Variants in CEP63 observed in about 807,000 individuals in gnomAD.
CEP63 encodes the protein centrosomal protein of 63 kDa.
In CEP63, 84 loss-of-function variants were observed where a neutral mutation model predicts 89.1. That is an observed-to-expected ratio of 0.94 (90% confidence interval 0.79 to 1.13). CEP63 has a LOEUF of 1.13. Ranked by LOEUF, CEP63 falls within the 50% of genes most tolerant of loss-of-function variation. The pLI is 0.00. For missense variants in CEP63, 838 were observed against 813.3 expected (o/e 1.03, Z -0.37); for synonymous variants, 267 against 272.5 (o/e 0.98, Z 0.20).
chr3:134,625,114 C>T, the CEP63 span: 18 of 1,600,510 alleles, frequency 1.1e-5, no homozygotes, highest in Non-Finnish European at 1.4e-5. Context: ...GGATTTCAGG[C>T]TAGATCGATC....
chr3:134,629,886 T>A, the CEP63 span, among the ~76,000 whole-genome samples: 1 of 152,208 alleles, frequency 6.6e-6, no homozygotes. Flanking sequence ...TCAGGCAAGA[T>A]GGAGTAAAGC....
the CEP63 span, among the ~76,000 whole-genome samples, chr3:134,740,125 C>A: frequency 6.6e-6 from 1 of 152,142 alleles, no homozygotes; most frequent in African/African-American, 2.4e-5. Flanking sequence ...CCCTGGGGGT[C>A]TTTAACATTC....
In CEP63 at chr3:134,548,747, C is replaced by T. The variant is rs144016212; in HGVS notation, c.1068-315C>T. On this transcript the variant is annotated intron_variant, in intron 9 of 14. Transcript: ENST00000675561. ...CATGTTAAATACACAAACATGCATA[C>T]ACACACATATTTTCTGCTTTATTCC... Among the ~76,000 whole-genome samples, 140 of 152,290 alleles carry T rather than the reference C, an allele frequency of 9.2e-4. 1 individual carries two copies. The highest frequency in any genetic ancestry group is 3.3e-3 in the African/African-American group (138 of 41,568).
At chr3:134,551,591 G>C (rs1954832047) in intron 11 of CEP63, among the ~76,000 whole-genome samples, 2 of 151,888 alleles carry the variant, frequency 1.3e-5, no homozygotes, top group Admixed American at 1.3e-4. Context: ...CAGGAGAATG[G>C]GTAGGGATTT....
At chr3:134,743,869 A>G in the CEP63 span, among the ~76,000 whole-genome samples, 65 of 152,248 alleles carry the variant, frequency 4.3e-4, no homozygotes, top group Admixed American at 7.8e-4. Context: ...TGGTGTCCAA[A>G]TCTTTCTAAG....
chr3:134,774,446 T>G, the CEP63 span, among the ~76,000 whole-genome samples: 2 of 151,764 alleles, frequency 1.3e-5, no homozygotes, highest in Non-Finnish European at 2.9e-5. Flanking sequence ...TCCTGTAAAA[T>G]GAAAGACCCT....
At chr3:134,665,721 AGAGACAGG>A in the CEP63 span, among the ~76,000 whole-genome samples, 27,164 of 147,466 alleles carry the variant, frequency 0.18, 3,034 homozygotes, top group Non-Finnish European at 0.25. Context: ...AGAGAGAGAG[AGAGACAGG>A]GACAGAGCGA....
At chr3:134,649,956 G>A in the CEP63 span, among the ~76,000 whole-genome samples, 1 of 152,204 alleles carries the variant, frequency 6.6e-6, no homozygotes, top group Non-Finnish European at 1.5e-5. Flanking sequence ...AACTCCTAAA[G>A]AACTGGCCCG....
the CEP63 span, chr3:134,607,286 C>T: frequency 1.0e-6 from 1 of 985,402 alleles, no homozygotes; most frequent in South Asian, 4.7e-5. Flanking sequence ...TGCAAGAGCT[C>T]AGCAACTTGG....
chr3:134,758,530 G>A, the CEP63 span, among the ~76,000 whole-genome samples: 29 of 152,196 alleles, frequency 1.9e-4, no homozygotes, highest in Middle Eastern at 3.4e-3. Flanking sequence ...GGTGTTCTTC[G>A]GTTCACACAT....
the CEP63 span, among the ~76,000 whole-genome samples, chr3:134,721,020 T>G: frequency 6.6e-6 from 1 of 152,116 alleles, no homozygotes; most frequent in African/African-American, 2.4e-5. Flanking sequence ...AGTTGGGATT[T>G]TGATAGGTAT....
At chr3:134,591,234 A>G (rs1367141888), downstream of CEP63, among the ~76,000 whole-genome samples, 1 of 152,220 alleles carries the variant, frequency 6.6e-6, no homozygotes, top group African/African-American at 2.4e-5. Flanking sequence ...CAGCATTGCT[A>G]GTGTGAAGTC....
chr3:134,535,109 C>T (rs968619578), intron 5 of CEP63, among the ~76,000 whole-genome samples: 4 of 152,088 alleles, frequency 2.6e-5, no homozygotes, highest in Admixed American at 6.6e-5. Flanking sequence ...CTTAAATATC[C>T]TCTCTTGACC....
At chr3:134,751,674 G>C in the CEP63 span, among the ~76,000 whole-genome samples, 1 of 152,252 alleles carries the variant, frequency 6.6e-6, no homozygotes, top group African/African-American at 2.4e-5. Flanking sequence ...GTGGCTGGGG[G>C]AAGGGGTAGG....
chr3:134,582,821 C>T (rs1958392995), intron 10 of CEP63, among the ~76,000 whole-genome samples: 1 of 152,198 alleles, frequency 6.6e-6, no homozygotes, highest in Non-Finnish European at 1.5e-5. Flanking sequence ...TCTATTTCTC[C>T]ACATCCTCTC....
chr3:134,630,771 T>A, the CEP63 span, among the ~76,000 whole-genome samples: 4 of 152,166 alleles, frequency 2.6e-5, no homozygotes, highest in Non-Finnish European at 5.9e-5. Context: ...CAGGAAAGTC[T>A]TAATTTGAAA....
chr3:134,778,707 C>T, the CEP63 span, among the ~76,000 whole-genome samples: 4 of 152,046 alleles, frequency 2.6e-5, no homozygotes, highest in East Asian at 1.9e-4. Flanking sequence ...TACAGGTGCC[C>T]ACCACCATGC....
At chr3:134,502,751 A>G (rs1445218684) in intron 2 of CEP63, among the ~76,000 whole-genome samples, 1 of 151,276 alleles carries the variant, frequency 6.6e-6, no homozygotes, top group Non-Finnish European at 1.5e-5. Context: ...CTTGTTATCA[A>G]CTGTTTATTT....
the CEP63 span, among the ~76,000 whole-genome samples, chr3:134,632,181 C>T: frequency 0.02 from 3,045 of 152,106 alleles, 98 homozygotes; most frequent in African/African-American, 0.07. Context: ...GAGATTTTAA[C>T]ACTAATCTTT....
Sources: gnomAD v4.1 joint callset for allele counts (sites outside exome capture counted in the v4.1 genomes callset) on GRCh38, gnomAD v4.1.1 for gene constraint, MANE v1.5 for transcripts, NCBI Gene and HGNC (gene_info 2026-07-23, HGNC 2026-07-21) for gene names.